LRRC47: variants seen among roughly 807,000 people sequenced by gnomAD.
LRRC47 encodes the protein leucine-rich repeat-containing protein 47.
LRRC47 carries 31 observed loss-of-function variants against 40.9 expected under a neutral mutation model. The observed-to-expected ratio is 0.76, with a 90% CI of 0.57 to 1.02. The LOEUF (loss-of-function observed/expected upper bound fraction) is 1.02. LRRC47 is among the 50% of genes least tolerant of loss of function. LRRC47 has a pLI of 0.00. For synonymous variants in LRRC47, 427 were observed against 371.9 expected (o/e 1.15, Z -1.70); for missense variants, 726 against 796.1 (o/e 0.91, Z 1.06).
chr1:3,787,458 A>ATTCACCTTTGAGTCACT (rs1643587384), intron 1 of LRRC47, 148 bp from the exon 2 acceptor site: 1 of 746,060 alleles, frequency 1.3e-6, no homozygotes, highest in African/African-American at 1.8e-5. Context: ...GCCACAAGTC[A>ATTCACCTTTGAGTCACT]TTCACCTTTG....
At chr1:3,787,716 G>A (rs1643589437) in intron 1 of LRRC47, among the ~76,000 whole-genome samples, 1 of 152,136 alleles carries the variant, frequency 6.6e-6, no homozygotes, top group Non-Finnish European at 1.5e-5. Flanking sequence ...GGACTGCTCA[G>A]GTGAGAAGCA....
chr1:3,792,489 C>T (rs544736327), intron 1 of LRRC47, among the ~76,000 whole-genome samples: 19 of 148,160 alleles, frequency 1.3e-4, no homozygotes, highest in Admixed American at 2.7e-4. Flanking sequence ...GAGACGCAGT[C>T]TCACTTTCTC....
chr1:3,796,373 A>G lies in LRRC47; in HGVS notation c.104T>C (p.Val35Ala). The G allele has an allele frequency of 6.6e-7, 1 of 1,511,620 alleles. No individual in the cohort carries two copies. The highest frequency in any genetic ancestry group is 8.8e-7 in the Non-Finnish European group (1 of 1,137,784). 93.6% of individuals were successfully genotyped at this position (1,511,620 alleles called of 1,614,324 possible). A position where few individuals can be genotyped will look rare whatever the true frequency, so the allele number is the denominator to read the frequency against. The part of the protein sequence containing the change: ...LLTGPGLEER[V>A]RAAGGQLPPR... ...CGGCAGCTGCCCACCCGCCGCCCGC[A>G]CTCGCTCCTCCAGCCCGGGCCCCGT... Residue 35 changes from valine (V) to alanine (A), a missense_variant, in exon 1 of 7, where the codon GTG becomes GCG. By Grantham distance (64) the Val-to-Ala change is moderately conservative. Transcript: ENST00000378251.
chr1:3,781,438 C>T (rs536417060), intron 6 of LRRC47, 74 bp downstream of exon 6: 82 of 1,572,656 alleles, frequency 5.2e-5, no homozygotes, highest in African/African-American at 1.9e-4. Context: ...GCAAGCAGGA[C>T]GGGTGGGAAG....
At chr1:3,794,803 C>T (rs1643658225) in intron 1 of LRRC47, among the ~76,000 whole-genome samples, 2 of 151,780 alleles carry the variant, frequency 1.3e-5, no homozygotes, top group Non-Finnish European at 2.9e-5. Flanking sequence ...ACCTGTAATC[C>T]TAGCACTTTG....
At chr1:3,783,836 C>T (rs562417259) in intron 4 of LRRC47, 160 bp downstream of exon 4, 54 of 622,112 alleles carry the variant, frequency 8.7e-5, no homozygotes, top group African/African-American at 6.6e-4. Flanking sequence ...GGTTCCACAA[C>T]GTCTCCTTTG....
intron 1 of LRRC47, among the ~76,000 whole-genome samples, chr1:3,787,915 G>A (rs59839873): frequency 0.026 from 3,942 of 152,334 alleles, 140 homozygotes; most frequent in African/African-American, 0.076. Flanking sequence ...CTCAGCCTTC[G>A]TCTGACCCAG....
chr1:3,791,899 G>A (rs1643630101), intron 1 of LRRC47, among the ~76,000 whole-genome samples: 1 of 151,470 alleles, frequency 6.6e-6, no homozygotes, highest in Non-Finnish European at 1.5e-5. Context: ...GACTACAGGT[G>A]CACACCACCA....
intron 2 of LRRC47, among the ~76,000 whole-genome samples, chr1:3,785,846 C>CA (rs1418621729): frequency 6.7e-6 from 1 of 149,054 alleles, no homozygotes; most frequent in Non-Finnish European, 1.5e-5. Context: ...ACCAAAATAT[C>CA]AAAAAATCAA....
At chr1:3,794,016 A>C (rs1382217024) in intron 1 of LRRC47, among the ~76,000 whole-genome samples, 2 of 152,152 alleles carry the variant, frequency 1.3e-5, no homozygotes, top group African/African-American at 4.8e-5. Flanking sequence ...TAACACAGTG[A>C]AACTCCATCT....
At chr1:3,795,414 G>A (rs541617708) in intron 1 of LRRC47, among the ~76,000 whole-genome samples, 2 of 152,324 alleles carry the variant, frequency 1.3e-5, no homozygotes, top group South Asian at 4.1e-4. Flanking sequence ...CTGCTATTAG[G>A]ATGAAGTGAA....
chr1:3,791,377 C>G (rs1460107679), intron 1 of LRRC47, among the ~76,000 whole-genome samples: 1 of 152,256 alleles, frequency 6.6e-6, no homozygotes, highest in Non-Finnish European at 1.5e-5. Context: ...AAAGAGCCTT[C>G]AAGACCCAAC....
In LRRC47 at chr1:3,796,153, G is replaced by A. The variant is rs1356067652; in HGVS notation, c.324C>T (p.Gly108=). 5.6e-6 allele frequency: 8 copies of A among 1,439,812 alleles called. No individual in the cohort carries two copies. Among genetic ancestry groups the A allele is most frequent in the Non-Finnish European group, 7.2e-6 (8 of 1,103,546 alleles). The allele number at this position is 1,439,812 out of a possible 1,614,324, so 89.2% of individuals were successfully genotyped here. A position where few individuals can be genotyped will look rare whatever the true frequency, so the allele number is the denominator to read the frequency against. ...LPALRVLDLS[G]NALEALPPGQ... is the part of the protein sequence containing the mutation. ...CCGGCGGCAGCGCCTCCAGCGCGTT[G>A]CCCGACAGGTCGAGCACCCGAAGGG... The change falls in exon 1 of 7, where the codon GGC becomes GGT. Residue 108 remains glycine (G), a synonymous_variant. Transcript: ENST00000378251.
intron 1 of LRRC47, among the ~76,000 whole-genome samples, chr1:3,788,492 T>A (rs947143122): frequency 6.6e-6 from 1 of 152,090 alleles, no homozygotes; most frequent in Non-Finnish European, 1.5e-5. Context: ...AGGGCTGGAC[T>A]TGATAGACTC....
At position 3,796,479 on chromosome 1, in the gene LRRC47, C is replaced by G. The variant is rs747337182; in HGVS notation, c.-3G>C. Reference sequence around the variant, plus strand: ...TCTGACACCGCTGCCGCCGCCATGGCGCCTCAGCTGCTGGCAGGCACCCAC... The same window carrying G: ...TCTGACACCGCTGCCGCCGCCATGGGGCCTCAGCTGCTGGCAGGCACCCAC... On this transcript the variant is annotated 5_prime_UTR_variant, in exon 1 of 7. Coordinates refer to ENST00000378251, the MANE Select transcript of LRRC47 (RefSeq NM_020710.3). 1.3e-6 allele frequency: 2 copies of G among 1,505,230 alleles called. No homozygotes were observed. Among genetic ancestry groups the G allele is most frequent in the African/African-American group, 1.5e-5 (1 of 68,916 alleles). 93.2% of individuals were successfully genotyped at this position (1,505,230 alleles called of 1,614,324 possible). A position where few individuals can be genotyped will look rare whatever the true frequency, so the allele number is the denominator to read the frequency against.
At chr1:3,790,948 A>G (rs1278148703) in intron 1 of LRRC47, among the ~76,000 whole-genome samples, 1 of 152,246 alleles carries the variant, frequency 6.6e-6, no homozygotes, top group African/African-American at 2.4e-5. Flanking sequence ...AAGAACCGGA[A>G]CTGGGCTCGC....
At chr1:3,794,388 G>A (rs1017593751) in intron 1 of LRRC47, among the ~76,000 whole-genome samples, 1 of 151,950 alleles carries the variant, frequency 6.6e-6, no homozygotes, top group African/African-American at 2.4e-5. Flanking sequence ...TTTGCCACAG[G>A]GTCTCGCTCT....
At position 3,796,000 on chromosome 1, in the gene LRRC47, G is replaced by T; in HGVS notation, c.477C>A (p.Asn159Lys). The part of the protein sequence containing the change: ...ARCAPRLQSL[N>K]LTGNCLDSFP... ...AGGAGTCTAGGCAATTGCCGGTGAG[G>T]TTGAGGCTCTGCAGGCGCGGGGCGC... The change falls in exon 1 of 7, where the codon AAC becomes AAA. Residue 159 changes from asparagine (N) to lysine (K), a missense_variant. Physicochemically the swap from Asn to Lys is moderately conservative, Grantham distance 94. Transcript: ENST00000378251. 1 of 1,565,518 alleles carries T rather than the reference G, an allele frequency of 6.4e-7. No individual in the cohort carries two copies. Among genetic ancestry groups the T allele is most frequent in the Non-Finnish European group, 8.6e-7 (1 of 1,156,894 alleles).
In LRRC47 at chr1:3,787,260, C is replaced by T. The variant is rs765371153; in HGVS notation, c.666G>A (p.Ala222=). 9.9e-6 allele frequency: 16 copies of T among 1,613,362 alleles called. No individual in the cohort carries two copies. The highest frequency in any genetic ancestry group is 1.6e-4 in the Middle Eastern group (1 of 6,062). Residue 222 remains alanine, a synonymous_variant, in exon 2 of 7, where the codon GCG becomes GCA. Transcript: ENST00000378251. The part of the protein sequence containing the change: ...NQLSEIPAEL[A]DCPKLKEINF... ...TGATCTCCTTGAGCTTGGGGCAGTC[C>T]GCAAGCTCTGCAGGGATCTCGCTCA...
Sources: gnomAD v4.1 joint callset for allele counts (sites outside exome capture counted in the v4.1 genomes callset) on GRCh38, gnomAD v4.1.1 for gene constraint, MANE v1.5 for transcripts, NCBI Gene and HGNC (gene_info 2026-07-23, HGNC 2026-07-21) for gene names.